GRM1: variants seen among roughly 807,000 people sequenced by gnomAD.
GRM1 encodes glutamate metabotropic receptor 1.
Under a neutral mutation model 90.9 loss-of-function variants are expected in GRM1, and 33 were observed. That is an observed-to-expected ratio of 0.36 (90% CI 0.28 to 0.49). The LOEUF is 0.49. Among genes scored for constraint, GRM1 ranks in the 20% least tolerant of loss-of-function variants. The probability of loss-of-function intolerance (pLI) is 0.99; values close to 1 mark genes in which losing one functional copy is unlikely to be tolerated. For synonymous variants in GRM1, 700 were observed against 613.2 expected (o/e 1.14, Z -2.09); for missense variants, 1,190 against 1,534.3 (o/e 0.78, Z 3.75).
rs189448113 is a variant in GRM1 at position 146,376,721 on chromosome 6, T to A, written c.1603-10169T>A. Among the ~76,000 whole-genome samples, 1,056 of 152,248 alleles carry A rather than the reference T, an allele frequency of 6.9e-3. 9 individuals carry two copies. The highest frequency in any genetic ancestry group is 0.034 in the Middle Eastern group (10 of 294). Reference sequence around the variant, plus strand: ...TAGAATCCTTTCTTCATCCTTTACCTAATACTATGATTATTAAGTGCCTTG... The same window carrying A: ...TAGAATCCTTTCTTCATCCTTTACCAAATACTATGATTATTAAGTGCCTTG... On this transcript the variant is annotated intron_variant, in intron 5 of 7. Coordinates refer to ENST00000282753, the MANE Select transcript of GRM1 (RefSeq NM_001278064.2).
rs117104344 is a variant in GRM1 at position 146,060,207 on chromosome 6, A to C, written c.700+29990A>C. ...AGGAAGATGTGCAACTCTTCCTTTC[A>C]CTTGAACACTTAGAGGCAATTATAT... On this transcript the variant is annotated intron_variant, in intron 1 of 7. Coordinates refer to ENST00000282753, the MANE Select transcript of GRM1 (RefSeq NM_001278064.2). 2.7e-3 allele frequency among the ~76,000 whole-genome samples: 417 copies of C among 151,974 alleles called. 1 individual carries two copies. Among genetic ancestry groups the C allele is most frequent in the Non-Finnish European group, 4.6e-3 (316 of 67,962 alleles).
chr6:146,140,090 A>ATTCTTTCTTTCTTTCTCTTTCT (rs1776796908), intron 1 of GRM1, among the ~76,000 whole-genome samples: 2 of 57,838 alleles, frequency 3.5e-5, no homozygotes, highest in African/African-American at 1.5e-4. Context: ...TTCTTTCTTT[A>ATTCTTTCTTTCTTTCTCTTTCT]TTCTTTCTTT....
At chr6:146,292,611 T>A (rs1783026529) in intron 2 of GRM1, among the ~76,000 whole-genome samples, 1 of 151,876 alleles carries the variant, frequency 6.6e-6, no homozygotes, top group African/African-American at 2.4e-5. Context: ...TCAAAAAATG[T>A]AGATAACAAT....
intron 2 of GRM1, among the ~76,000 whole-genome samples, chr6:146,299,558 A>G (rs1002524227): frequency 9.2e-5 from 14 of 152,314 alleles, no homozygotes; most frequent in African/African-American, 3.1e-4. Flanking sequence ...TCCTTGGAAT[A>G]TAAAGTTTTT....
At chr6:146,319,171 A>G (rs1318848280) in intron 3 of GRM1, among the ~76,000 whole-genome samples, 1 of 152,096 alleles carries the variant, frequency 6.6e-6, no homozygotes, top group East Asian at 1.9e-4. Context: ...TAATTTTTGT[A>G]TAAGGTGTAA....
chr6:146,096,523 C>A (rs1164372342), intron 1 of GRM1, among the ~76,000 whole-genome samples: 2 of 152,174 alleles, frequency 1.3e-5, no homozygotes, highest in Non-Finnish European at 2.9e-5. Flanking sequence ...ATACCGTATG[C>A]TCCAACAGAA....
At chr6:146,146,217 T>C (rs1196557771) in intron 1 of GRM1, among the ~76,000 whole-genome samples, 1 of 140,094 alleles carries the variant, frequency 7.1e-6, no homozygotes, top group Non-Finnish European at 1.5e-5. Context: ...GCCTCCCTAG[T>C]AGCTGGGACT....
At chr6:146,332,364 T>A (rs2114996580) in intron 3 of GRM1, among the ~76,000 whole-genome samples, 1 of 152,324 alleles carries the variant, frequency 6.6e-6, no homozygotes, top group East Asian at 1.9e-4. Flanking sequence ...TTGCATGAAT[T>A]CTCTTCCTGG....
intron 2 of GRM1, among the ~76,000 whole-genome samples, chr6:146,176,894 G>A (rs1778358205): frequency 1.3e-5 from 2 of 152,030 alleles, no homozygotes; most frequent in Admixed American, 1.3e-4. Context: ...GAGAACTTGA[G>A]TAAGTTACTT....
In GRM1 at chr6:146,146,103, C is replaced by CTTTTTTTTTTTTTTTTTTTT. The variant is rs35329703; in HGVS notation, c.701-13228_701-13209dup. On this transcript the variant is annotated intron_variant, in intron 1 of 7. Coordinates refer to ENST00000282753, the MANE Select transcript of GRM1 (RefSeq NM_001278064.2). ...CTGTGCCTATGTACTACCATTGTATCTTTTTTTTTTTTTTTTTTTTTTTTT... is the reference window on the plus strand; with the variant it reads ...CTGTGCCTATGTACTACCATTGTATCTTTTTTTTTTTTTTTTTTTTTTTTTTTTTTTTTTTTTTTTTTTTT... Among the ~76,000 whole-genome samples, 81 of 19,988 alleles carry CTTTTTTTTTTTTTTTTTTTT rather than the reference C, an allele frequency of 4.1e-3. 32 individuals are homozygous for CTTTTTTTTTTTTTTTTTTTT. Among genetic ancestry groups the CTTTTTTTTTTTTTTTTTTTT allele is most frequent in the Non-Finnish European group, 6.8e-3 (64 of 9,440 alleles). 13.1% of individuals were successfully genotyped at this position (19,988 alleles called of 152,430 possible). A position where few individuals can be genotyped will look rare whatever the true frequency, so the allele number is the denominator to read the frequency against.
chr6:146,244,465 A>C (rs1780983411), intron 2 of GRM1, among the ~76,000 whole-genome samples: 1 of 152,110 alleles, frequency 6.6e-6, no homozygotes, highest in South Asian at 2.1e-4. Flanking sequence ...CTGTTCAGTA[A>C]ATGTCTAGGT....
At chr6:146,410,748 G>A (rs1023529688) in intron 7 of GRM1, among the ~76,000 whole-genome samples, 1 of 152,108 alleles carries the variant, frequency 6.6e-6, no homozygotes, top group Non-Finnish European at 1.5e-5. Flanking sequence ...GGACCACGAT[G>A]TAAAGAGATT....
intron 7 of GRM1, among the ~76,000 whole-genome samples, chr6:146,412,987 C>T (rs1243237366): frequency 2.6e-5 from 4 of 152,132 alleles, no homozygotes; most frequent in African/African-American, 9.7e-5. Context: ...ACACTTACCT[C>T]CTGTTCCTAT....
At chr6:146,147,099 T>A (rs747689470) in intron 1 of GRM1, among the ~76,000 whole-genome samples, 1 of 152,192 alleles carries the variant, frequency 6.6e-6, no homozygotes, top group Non-Finnish European at 1.5e-5. Context: ...TGGAACTGGG[T>A]CACTTTGCTT....
At chr6:146,302,269 A>G (rs1783415232) in intron 2 of GRM1, among the ~76,000 whole-genome samples, 1 of 149,744 alleles carries the variant, frequency 6.7e-6, no homozygotes, top group South Asian at 2.1e-4. Flanking sequence ...GTCCCCCACT[A>G]CCTCACACAC....
chr6:146,338,345 C>T (rs1784850426), intron 3 of GRM1, among the ~76,000 whole-genome samples: 1 of 152,206 alleles, frequency 6.6e-6, no homozygotes, highest in Admixed American at 6.5e-5. Flanking sequence ...TTGCATCTAA[C>T]AAGCTCAGCC....
At chr6:146,072,814 G>A (rs1476820263) in intron 1 of GRM1, among the ~76,000 whole-genome samples, 2 of 152,074 alleles carry the variant, frequency 1.3e-5, no homozygotes, top group African/African-American at 4.8e-5. Flanking sequence ...TTCTGAAGAC[G>A]CTTGATATAT....
intron 2 of GRM1, among the ~76,000 whole-genome samples, chr6:146,175,748 G>GA (rs977300911): frequency 1.4e-4 from 21 of 146,980 alleles, no homozygotes; most frequent in Non-Finnish European, 2.1e-4. Context: ...ATATGGTAAG[G>GA]AAAAAAAAAA....
chr6:146,428,872 T>C (rs189188477), intron 7 of GRM1, among the ~76,000 whole-genome samples: 169 of 152,332 alleles, frequency 1.1e-3, no homozygotes, highest in Non-Finnish European at 8.4e-4. Context: ...AATTGGGTAA[T>C]GTTCTCAGGA....
Sources: allele counts gnomAD v4.1 joint callset (sites outside exome capture counted in the v4.1 genomes callset), GRCh38; gene constraint gnomAD v4.1.1; transcripts MANE v1.5; gene names NCBI Gene and HGNC (gene_info 2026-07-23, HGNC 2026-07-21).